SON: variants seen among roughly 807,000 people sequenced by gnomAD.
SON encodes SON DNA and RNA binding protein, also known as protein SON.
SON carries 4 observed loss-of-function variants against 173.3 expected under a neutral mutation model. The ratio of observed to expected loss-of-function variants is 0.02; its 90% CI spans 0.01 to 0.05. The LOEUF is 0.05. SON is among the 10% of genes least tolerant of loss of function. The pLI is 1.00. For synonymous variants in SON, 1,190 were observed against 1,105.9 expected, an observed-to-expected ratio of 1.08 and a Z score of -1.51; for missense variants, 2,626 against 3,055.3, an observed-to-expected ratio of 0.86 and a Z score of 3.31.
At chr21:33,561,041 C>T (rs1169165938) in intron 6 of SON, 1 of 152,150 alleles carries the variant, frequency 6.6e-6, no homozygotes, top group Non-Finnish European at 1.5e-5. Context: ...TCACAGCTGA[C>T]ATTTTCACTT....
chr21:33,546,460 C>A, intron 2 of SON, 81 bp downstream of exon 2: 1 of 1,122,872 alleles, frequency 8.9e-7, no homozygotes, highest in Non-Finnish European at 1.3e-6. Context: ...TAGTTTTTGA[C>A]TTCAGTATTT....
At chr21:33,572,439 G>C in intron 8 of SON, 1 of 519,610 alleles carries the variant, frequency 1.9e-6, no homozygotes, top group South Asian at 1.6e-5. Flanking sequence ...AGGACATTAA[G>C]TGGTTTGCTG....
In SON at chr21:33,549,795, A is replaced by G. The variant is rs1402354987; in HGVS notation, c.564A>G (p.Glu188=). ...ATGAATCCCCTGCAGTTGTGCTAGA[A>G]CCTCCTGTAGTATCAATGGAGGTAT... The part of the protein sequence containing the change: ...ETNESPAVVL[E]PPVVSMEVSE... Residue 188 remains glutamate (E), a synonymous_variant, in exon 3 of 12, where the codon GAA becomes GAG. Coordinates refer to ENST00000356577, the MANE Select transcript of SON (RefSeq NM_138927.4). 4.3e-6 allele frequency: 7 copies of G among 1,613,982 alleles called. No homozygotes were observed. Among genetic ancestry groups the G allele is most frequent in the Non-Finnish European group, 5.1e-6 (6 of 1,180,020 alleles).
Position 33,551,338 on chromosome 21 carries a change from G to A in SON, c.2107G>A (p.Val703Ile), listed in dbSNP as rs780288960. ...TTLVGETSVT[V>I]GVDPLMAPES... ...ATTAGTGGGGGAGACTTCTGTAACA[G>A]TAGGAGTGGATCCCTTGATGGCCCC... The change falls in exon 3 of 12, where the codon GTA becomes ATA. Residue 703 changes from valine to isoleucine, a missense_variant. Val to Ile is a conservative substitution (Grantham distance 29, BLOSUM62 3). This residue lies in a region of SON where 182 missense variants were observed against 193.6 expected (regional missense o/e 0.94). Coordinates refer to ENST00000356577, the MANE Select transcript of SON (RefSeq NM_138927.4). 6.2e-7 allele frequency: 1 copy of A among 1,614,110 alleles called. No homozygotes were observed. Among genetic ancestry groups the A allele is most frequent in the Admixed American group, 1.7e-5 (1 of 60,022 alleles).
chr21:33,555,540 T>G (rs1160178303), intron 3 of SON, 149 bp downstream of exon 3: 2 of 694,398 alleles, frequency 2.9e-6, no homozygotes, highest in African/African-American at 3.7e-5. Flanking sequence ...GGTACTGTAT[T>G]TAGGAACTAC....
At position 33,552,316 on chromosome 21, in the gene SON, G is replaced by C; in HGVS notation, c.3085G>C (p.Ala1029Pro). Residue 1029 changes from alanine to proline, a missense_variant, in exon 3 of 12, where the codon GCT becomes CCT. Ala to Pro is a conservative substitution (Grantham distance 27). Around this residue, in one of 13 missense-constraint regions of SON, gnomAD observed 366 missense variants for 448.6 expected, o/e 0.82. Transcript: ENST00000356577. This position sits in a 1 kb window ranked among gnomAD's most constrained non-coding sequence, Gnocchi z 5.6. ...TGAGCGGTCTATGATGTCCCCTATGGCTGAACGCTCTATGATGTCAGCCTA... is the reference window on the plus strand; with the variant it reads ...TGAGCGGTCTATGATGTCCCCTATGCCTGAACGCTCTATGATGTCAGCCTA... ...SYERSMMSPM[A>P]ERSMMSAYER... is the part of the protein sequence containing the mutation. 1 of 1,614,020 alleles carries C rather than the reference G, an allele frequency of 6.2e-7. No individual in the cohort carries two copies. Among genetic ancestry groups the C allele is most frequent in the Non-Finnish European group, 8.5e-7 (1 of 1,179,988 alleles).
chr21:33,568,353 G>A (rs1395825870), intron 7 of SON, among the ~76,000 whole-genome samples: 2 of 152,202 alleles, frequency 1.3e-5, no homozygotes, highest in Non-Finnish European at 2.9e-5. Context: ...TTAGCCGGGC[G>A]CGGTGGCGCA....
chr21:33,550,027 A>G lies in SON; in HGVS notation c.796A>G (p.Met266Val), dbSNP rs770567978. 2.5e-5 allele frequency: 40 copies of G among 1,614,008 alleles called. No individual in the cohort carries two copies. The highest frequency in any genetic ancestry group is 3.4e-5 in the Non-Finnish European group (40 of 1,180,012). ...GAAGTCATCTGAGCCAGTTGTAACAATGTCAGTGGAGTATCAGATGAAGTC... is the reference window on the plus strand; with the variant it reads ...GAAGTCATCTGAGCCAGTTGTAACAGTGTCAGTGGAGTATCAGATGAAGTC... ...VLKSSEPVVT[M>V]SVEYQMKSVL... Residue 266 changes from methionine (M) to valine (V), a missense_variant, in exon 3 of 12, where the codon ATG (methionine) becomes GTG (valine). This residue lies in a region of SON where 757 missense variants were observed against 730.1 expected (regional missense o/e 1.04). Coordinates refer to ENST00000356577, the MANE Select transcript of SON (RefSeq NM_138927.4).
intron 11 of SON, 30 bp downstream of exon 11, chr21:33,575,923 AT>A: frequency 9.4e-7 from 1 of 1,063,138 alleles, no homozygotes; most frequent in Non-Finnish European, 1.4e-6. Flanking sequence ...TTAATTATAT[AT>A]ATTTATTAAT....
rs1283799315 is a variant in SON at position 33,551,914 on chromosome 21, A to C, written c.2683A>C (p.Met895Leu). ...MLASGTMDAQMLASSTQDSAM... is the reference protein window; with the variant it reads ...MLASGTMDAQLLASSTQDSAM... ...AGCGTCTGGTACCATGGATGCCCAG[A>C]TGTTAGCGTCTAGTACCCAAGATTC... Residue 895 changes from methionine to leucine, a missense_variant, in exon 3 of 12, where the codon ATG becomes CTG. By Grantham distance (15) the Met-to-Leu change is conservative. Around this residue, in one of 13 missense-constraint regions of SON, gnomAD observed 366 missense variants for 448.6 expected, o/e 0.82. Transcript: ENST00000356577. The C allele has an allele frequency of 6.2e-7, 1 of 1,614,114 alleles. No individual in the cohort carries two copies. The highest frequency in any genetic ancestry group is 1.1e-5 in the South Asian group (1 of 91,074).
At chr21:33,569,138 TTGGAAAC>T in intron 8 of SON, 51 bp downstream of exon 8, 1 of 1,091,206 alleles carries the variant, frequency 9.2e-7, no homozygotes, top group Non-Finnish European at 1.4e-6. Flanking sequence ...TTTAAATTTT[TTGGAAAC>T]TGTTTATTAA....
chr21:33,551,452 A>G lies in SON; in HGVS notation c.2221A>G (p.Met741Val), dbSNP rs749157286. Reference protein sequence around the residue: ...MDSQMLASNTMDSQMLASNTM... With the variant: ...MDSQMLASNTVDSQMLASNTM... ...CTCCCAAATGCTAGCGTCCAACACCATGGACTCCCAGATGCTAGCATCCAA... is the reference window on the plus strand; with the variant it reads ...CTCCCAAATGCTAGCGTCCAACACCGTGGACTCCCAGATGCTAGCATCCAA... Residue 741 changes from methionine to valine, a missense_variant, in exon 3 of 12, where the codon ATG (methionine) becomes GTG (valine). Physicochemically the swap from Met to Val is conservative, Grantham distance 21. Coordinates refer to ENST00000356577, the MANE Select transcript of SON (RefSeq NM_138927.4). 32 of 1,613,976 alleles carry G rather than the reference A, an allele frequency of 2.0e-5. No individual in the cohort carries two copies. Among genetic ancestry groups the G allele is most frequent in the Admixed American group, 1.7e-4 (10 of 59,994 alleles).
At position 33,576,357 on chromosome 21, in the gene SON, T is replaced by C; in HGVS notation, c.7222-8T>C. ...ATGCTGTTCTTATTGTATGTTTTTC[T>C]TGAATAGGTATTGAGAAATGGAGCC... On this transcript the variant is annotated splice_region_variant and splice_polypyrimidine_tract_variant and intron_variant, in intron 11 of 11. Coordinates refer to ENST00000356577, the MANE Select transcript of SON (RefSeq NM_138927.4). The C allele has an allele frequency of 8.1e-7, 1 of 1,229,108 alleles. No homozygotes were observed. Among genetic ancestry groups the C allele is most frequent in the Non-Finnish European group, 1.2e-6 (1 of 828,334 alleles). The allele number at this position is 1,229,108 out of a possible 1,614,324, so 76.1% of individuals were successfully genotyped here. A position where few individuals can be genotyped will look rare whatever the true frequency, so the allele number is the denominator to read the frequency against.
intron 8 of SON, chr21:33,572,529 T>G: frequency 7.7e-7 from 1 of 1,291,826 alleles, no homozygotes; most frequent in Non-Finnish European, 1.0e-6. Context: ...CTTTCACCCC[T>G]CTGTATGGAA....
In SON at chr21:33,554,927, C is replaced by G. The variant is rs1440636788; in HGVS notation, c.5696C>G (p.Ser1899Cys). The change falls in exon 3 of 12, where the codon TCC becomes TGC. Residue 1899 changes from serine to cysteine, a missense_variant. Transcript: ENST00000356577. ...EKRKRSPKHRSKSRERKRKRS... is the reference protein window; with the variant it reads ...EKRKRSPKHRCKSRERKRKRS... ...CGCAAAAGATCTCCAAAGCACAGATCCAAGTCTAGGGAAAGAAAAAGAAAA... is the reference window on the plus strand; with the variant it reads ...CGCAAAAGATCTCCAAAGCACAGATGCAAGTCTAGGGAAAGAAAAAGAAAA... 1.2e-6 allele frequency: 2 copies of G among 1,613,934 alleles called. No individual in the cohort carries two copies. Among genetic ancestry groups the G allele is most frequent in the South Asian group, 1.1e-5 (1 of 91,090 alleles).
chr21:33,555,998 CTG>C (rs893195812), intron 3 of SON, among the ~76,000 whole-genome samples: 2 of 152,164 alleles, frequency 1.3e-5, no homozygotes, highest in African/African-American at 2.4e-5. Context: ...TTAAAGATAA[CTG>C]TTCTAATTTC....
At position 33,554,793 on chromosome 21, in the gene SON, C is replaced by T. The variant is rs1601273811; in HGVS notation, c.5562C>T (p.Ser1854=). The T allele has an allele frequency of 6.2e-7, 1 of 1,613,872 alleles. No homozygotes were observed. The highest frequency in any genetic ancestry group is 1.1e-5 in the South Asian group (1 of 91,076). The stretch of plus-strand genomic sequence containing the variant: ...GGGCAAGAAAGAGATCATCTAAGTC[C>T]AAGTCTCATCGCTCTCAGACACGTT... ...RSRARKRSSK[S]KSHRSQTRSR... is the part of the protein sequence containing the mutation. The change falls in exon 3 of 12, where the codon TCC becomes TCT. Residue 1854 remains serine, a synonymous_variant. Coordinates refer to ENST00000356577, the MANE Select transcript of SON (RefSeq NM_138927.4).
chr21:33,563,042 C>T (rs1251204303), intron 6 of SON, among the ~76,000 whole-genome samples: 1 of 152,060 alleles, frequency 6.6e-6, no homozygotes, highest in Non-Finnish European at 1.5e-5. Context: ...AATGGAATTA[C>T]AATTTTTTTA....
Position 33,559,531 on chromosome 21 carries a change from A to G in SON, c.6469-56A>G. The G allele has an allele frequency of 6.6e-7, 1 of 1,515,876 alleles. No individual in the cohort carries two copies. The allele number at this position is 1,515,876 out of a possible 1,614,324, so 93.9% of individuals were successfully genotyped here. On this transcript the variant is annotated intron_variant, in intron 5 of 11. Transcript: ENST00000356577. This position sits in a 1 kb window ranked among gnomAD's most constrained non-coding sequence, Gnocchi z 4.1. ...CTTCAGATTATGTAGAAAATCTCAA[A>G]CCATTTAATGTAGATATCATATTGA...
Sources: allele counts gnomAD v4.1 joint callset (sites outside exome capture counted in the v4.1 genomes callset), GRCh38; gene constraint gnomAD v4.1.1; regional missense constraint gnomAD v4.1.1; non-coding constraint Gnocchi (gnomAD v3.1); transcripts MANE v1.5; gene names NCBI Gene and HGNC (gene_info 2026-07-23, HGNC 2026-07-21).